ST8SIA4: variants seen among roughly 807,000 people sequenced by gnomAD.
ST8SIA4 encodes the protein ST8 alpha-N-acetyl-neuraminide alpha-2,8-sialyltransferase 4.
ST8SIA4 carries 15 observed loss-of-function variants against 33.9 expected under a neutral mutation model. That is an observed-to-expected ratio of 0.44 (90% CI 0.30 to 0.68). The LOEUF (loss-of-function observed/expected upper bound fraction) is 0.68, where lower values mean the gene tolerates loss of function less well. Ranked by LOEUF, ST8SIA4 falls within the 30% of genes least tolerant of loss-of-function variation. The pLI, the probability that ST8SIA4 is intolerant of heterozygous loss-of-function variation, is 0.10. For synonymous variants in ST8SIA4, 171 were observed against 151.2 expected (o/e 1.13, Z -0.96); for missense variants, 321 against 428.0 (o/e 0.75, Z 2.21).
At chr5:100,844,442 A>T (rs1751526786) in intron 4 of ST8SIA4, among the ~76,000 whole-genome samples, 1 of 151,842 alleles carries the variant, frequency 6.6e-6, no homozygotes, top group Admixed American at 6.6e-5. Context: ...ACATAGAATA[A>T]CCCTGGCTAT....
rs1021980289 is a variant in ST8SIA4, at chr5:100,811,708, C to T, written c.*139G>A. On this transcript the variant is annotated 3_prime_UTR_variant, in exon 5 of 5. Transcript: ENST00000231461. ...TGCAGGTATTTCATCAGCTGGTAGT[C>T]GATTTCTCATGAACGTCCTTTATTC... 4.7e-6 allele frequency: 4 copies of T among 852,300 alleles called. No homozygotes were observed. Among genetic ancestry groups the T allele is most frequent in the South Asian group, 1.9e-5 (1 of 53,280 alleles). The allele number at this position is 852,300 out of a possible 1,614,324, so 52.8% of individuals were successfully genotyped here.
At chr5:100,837,729 T>A (rs1301017695) in intron 4 of ST8SIA4, among the ~76,000 whole-genome samples, 1 of 151,966 alleles carries the variant, frequency 6.6e-6, no homozygotes, top group Non-Finnish European at 1.5e-5. Context: ...AGAGAGTTAG[T>A]TGTGAAACAT....
chr5:100,884,756 G>T (rs903588676), intron 3 of ST8SIA4, among the ~76,000 whole-genome samples: 1 of 152,118 alleles, frequency 6.6e-6, no homozygotes, highest in Non-Finnish European at 1.5e-5. Context: ...GAAGCAATAA[G>T]GAAATGATAC....
intron 3 of ST8SIA4, among the ~76,000 whole-genome samples, chr5:100,875,250 T>C (rs1036312898): frequency 6.6e-6 from 1 of 152,144 alleles, no homozygotes; most frequent in Non-Finnish European, 1.5e-5. Flanking sequence ...GTTAATTATA[T>C]AAGGTGTGTA....
At position 100,807,774 on chromosome 5, in the gene ST8SIA4, A is replaced by G. The variant is rs1461367144; in HGVS notation, c.*4073T>C. 1 of 152,530 alleles carries G rather than the reference A, an allele frequency of 6.6e-6. No individual in the cohort carries two copies. The highest frequency in any genetic ancestry group is 1.5e-5 in the Non-Finnish European group (1 of 67,966). The allele number at this position is 152,530 out of a possible 1,614,324, so 9.4% of individuals were successfully genotyped here. A position where few individuals can be genotyped will look rare whatever the true frequency, so the allele number is the denominator to read the frequency against. On this transcript the variant is annotated 3_prime_UTR_variant, in exon 5 of 5. Transcript: ENST00000231461. ...GAAGATGTTAGCATAACACAAATTTAGTGTATACATATTACAGACTCAGTG... is the reference window on the plus strand; with the variant it reads ...GAAGATGTTAGCATAACACAAATTTGGTGTATACATATTACAGACTCAGTG...
At chr5:100,817,486 G>C (rs1362618416) in intron 4 of ST8SIA4, among the ~76,000 whole-genome samples, 1 of 152,088 alleles carries the variant, frequency 6.6e-6, no homozygotes, top group Non-Finnish European at 1.5e-5. Context: ...ATGTGTGTCA[G>C]CTACATAACA....
intron 3 of ST8SIA4, among the ~76,000 whole-genome samples, chr5:100,884,083 A>T (rs1173441200): frequency 2.6e-5 from 4 of 152,236 alleles, no homozygotes; most frequent in Non-Finnish European, 5.9e-5. Flanking sequence ...AAAAACAGTT[A>T]AACCAGTTTA....
chr5:100,857,723 A>G (rs1751847821), intron 3 of ST8SIA4, among the ~76,000 whole-genome samples: 1 of 152,056 alleles, frequency 6.6e-6, no homozygotes. Flanking sequence ...ACTGTCTTAT[A>G]TATCGTTCCT....
At chr5:100,850,358 T>C (rs1751665682) in intron 4 of ST8SIA4, among the ~76,000 whole-genome samples, 2 of 151,908 alleles carry the variant, frequency 1.3e-5, no homozygotes, top group Admixed American at 6.6e-5. Context: ...TAACCTCCAT[T>C]ATATTAAAAC....
intron 4 of ST8SIA4, among the ~76,000 whole-genome samples, chr5:100,836,186 T>C (rs1303180045): frequency 6.6e-6 from 1 of 152,112 alleles, no homozygotes; most frequent in Non-Finnish European, 1.5e-5. Context: ...TGCCAGGCAC[T>C]GTTCTAAACG....
intron 4 of ST8SIA4, among the ~76,000 whole-genome samples, chr5:100,852,867 T>C (rs927475225): frequency 6.6e-6 from 1 of 152,234 alleles, no homozygotes; most frequent in Non-Finnish European, 1.5e-5. Context: ...GAAAACTATC[T>C]AAATGATCCT....
At chr5:100,894,525 T>C (rs1752738320) in intron 2 of ST8SIA4, among the ~76,000 whole-genome samples, 1 of 152,060 alleles carries the variant, frequency 6.6e-6, no homozygotes, top group South Asian at 2.1e-4. Flanking sequence ...TCCCAGTCAA[T>C]TTCAAACCTT....
intron 3 of ST8SIA4, among the ~76,000 whole-genome samples, chr5:100,870,664 A>G (rs1048101464): frequency 1.3e-5 from 2 of 152,170 alleles, no homozygotes; most frequent in Admixed American, 1.3e-4. Flanking sequence ...TTACTTGTAG[A>G]TAAAATAATT....
chr5:100,876,289 T>C (rs1008476441), intron 3 of ST8SIA4, among the ~76,000 whole-genome samples: 1 of 152,166 alleles, frequency 6.6e-6, no homozygotes, highest in Non-Finnish European at 1.5e-5. Context: ...CTATCAATCT[T>C]TGAAGAGATA....
chr5:100,900,664 T>C (rs1045280869), intron 1 of ST8SIA4, among the ~76,000 whole-genome samples: 1 of 151,570 alleles, frequency 6.6e-6, no homozygotes, highest in African/African-American at 2.4e-5. Context: ...AAGCGCGACG[T>C]TCGCGGCCAG....
chr5:100,847,569 T>C (rs1481508172), intron 4 of ST8SIA4, among the ~76,000 whole-genome samples: 3 of 152,100 alleles, frequency 2.0e-5, no homozygotes, highest in Non-Finnish European at 4.4e-5. Context: ...AAATGATATT[T>C]TTGTTAGTCT....
At chr5:100,822,768 C>T (rs1313509534) in intron 4 of ST8SIA4, among the ~76,000 whole-genome samples, 1 of 152,090 alleles carries the variant, frequency 6.6e-6, no homozygotes, top group African/African-American at 2.4e-5. Context: ...ATTAGGCATT[C>T]TAAGTCACAG....
chr5:100,834,627 G>A (rs955503932), intron 4 of ST8SIA4, among the ~76,000 whole-genome samples: 5 of 152,094 alleles, frequency 3.3e-5, no homozygotes, highest in Admixed American at 6.6e-5. Flanking sequence ...AACATTGGAT[G>A]TGGGGCCTTG....
intron 4 of ST8SIA4, among the ~76,000 whole-genome samples, chr5:100,828,787 A>C (rs1561386872): frequency 1.3e-5 from 2 of 152,114 alleles, no homozygotes; most frequent in Non-Finnish European, 2.9e-5. Context: ...GTAAACTACT[A>C]TTTTTTAATA....
Sources: allele counts gnomAD v4.1 joint callset (sites outside exome capture counted in the v4.1 genomes callset), GRCh38; gene constraint gnomAD v4.1.1; transcripts MANE v1.5; gene names NCBI Gene and HGNC (gene_info 2026-07-23, HGNC 2026-07-21).